The following APOBEC3B variants were observed in gnomAD, a reference collection of about 807,000 sequenced individuals.
The protein encoded by APOBEC3B is DNA dC->dU-editing enzyme APOBEC-3B.
A neutral mutation model predicts 53.4 loss-of-function variants in APOBEC3B; 29 were observed. That is an observed-to-expected ratio of 0.54 (90% CI 0.40 to 0.74). APOBEC3B has a LOEUF of 0.74. Ranked by LOEUF, APOBEC3B falls within the 30% of genes least tolerant of loss-of-function variation. The pLI is 0.00. For missense variants in APOBEC3B, 347 were observed against 496.2 expected, an observed-to-expected ratio of 0.70 and a Z score of 2.86; for synonymous variants, 132 against 184.8, an observed-to-expected ratio of 0.71 and a Z score of 2.32.
At position 38,984,617 on chromosome 22, in the gene APOBEC3B, A is replaced by T. The variant is rs113677372; in HGVS notation, c.174+386A>T. On this transcript the variant is annotated intron_variant, in intron 2 of 7. Coordinates refer to ENST00000333467, the MANE Select transcript of APOBEC3B (RefSeq NM_004900.5). ...CAGTAAAGGAATTTGTCTTTTTTTT[A>T]AAAAATTTTTTTAAAATTTTCTTCA... Among the ~76,000 whole-genome samples, 260 of 148,504 alleles carry T rather than the reference A, an allele frequency of 1.8e-3. 20 individuals are homozygous for T. The highest frequency in any genetic ancestry group is 2.4e-3 in the South Asian group (11 of 4,504).
chr22:38,987,521 G>C (rs560466167), intron 4 of APOBEC3B, among the ~76,000 whole-genome samples: 1 of 148,800 alleles, frequency 6.7e-6, no homozygotes, highest in Admixed American at 6.9e-5. Flanking sequence ...TGGGAGAATT[G>C]AACCAAAGGA....
chr22:38,986,792 C>G (rs1923758625), intron 4 of APOBEC3B, among the ~76,000 whole-genome samples: 2 of 148,844 alleles, frequency 1.3e-5, no homozygotes, highest in Admixed American at 6.9e-5. Context: ...GTGGGGGCAC[C>G]CATGGCATCC....
rs1436945920 is a variant in APOBEC3B at position 38,984,188 on chromosome 22, G to A, written c.131G>A (p.Gly44Asp). The A allele has an allele frequency of 1.9e-6, 3 of 1,592,572 alleles. 1 individual carries two copies. Among genetic ancestry groups the A allele is most frequent in the East Asian group, 5.0e-5 (2 of 40,356 alleles). ...TGCTATGAAGTGAAAATAAAGAGGGGCCGCTCAAATCTCCTTTGGGACACA... is the reference window on the plus strand; with the variant it reads ...TGCTATGAAGTGAAAATAAAGAGGGACCGCTCAAATCTCCTTTGGGACACA... The part of the protein sequence containing the change: ...WLCYEVKIKR[G>D]RSNLLWDTGV... The change falls in exon 2 of 8, where the codon GGC (glycine) becomes GAC (aspartate). Residue 44 changes from glycine (G) to aspartate (D), a missense_variant. Gly to Asp is a moderately conservative substitution (Grantham distance 94, BLOSUM62 -1). This residue lies in a region of APOBEC3B where 73 missense variants were observed against 90.9 expected (regional missense o/e 0.80). Transcript: ENST00000333467.
Position 38,992,702 on chromosome 22 carries a change from T to A in APOBEC3B, c.*257T>A. 2.0e-6 allele frequency: 2 copies of A among 1,023,964 alleles called. No homozygotes were observed. The highest frequency in any genetic ancestry group is 2.8e-6 in the Non-Finnish European group (2 of 715,660). 63.4% of individuals were successfully genotyped at this position (1,023,964 alleles called of 1,614,324 possible). A position where few individuals can be genotyped will look rare whatever the true frequency, so the allele number is the denominator to read the frequency against. On this transcript the variant is annotated 3_prime_UTR_variant, in exon 8 of 8. Transcript: ENST00000333467. Reference sequence around the variant, plus strand: ...ATTCCCAGAATAGTTTTCAATGTATTAATGAAGTGATTAATTGGCTCCATA... The same window carrying A: ...ATTCCCAGAATAGTTTTCAATGTATAAATGAAGTGATTAATTGGCTCCATA...
At position 38,984,475 on chromosome 22, in the gene APOBEC3B, G is replaced by A. The variant is rs9622899; in HGVS notation, c.174+244G>A. Among the ~76,000 whole-genome samples, 38 of 149,010 alleles carry A rather than the reference G, an allele frequency of 2.6e-4. 3 individuals are homozygous for A. Among genetic ancestry groups the A allele is most frequent in the African/African-American group, 9.0e-4 (37 of 41,034 alleles). ...AATCTATAGCATAACAGATGACTTA[G>A]CATAACTTGGGGCCTTCTATAGCTG... On this transcript the variant is annotated intron_variant, in intron 2 of 7. Coordinates refer to ENST00000333467, the MANE Select transcript of APOBEC3B (RefSeq NM_004900.5).
At chr22:38,988,719 T>C (rs35574616) in intron 4 of APOBEC3B, among the ~76,000 whole-genome samples, 24,698 of 113,494 alleles carry the variant, frequency 0.22, 5,102 homozygotes, top group South Asian at 0.28. Context: ...CTTTCTTTCT[T>C]TCTTTCTTTC....
intron 2 of APOBEC3B, among the ~76,000 whole-genome samples, chr22:38,985,239 G>GTTTTT (rs561781619): frequency 6.8e-6 from 1 of 146,000 alleles, no homozygotes; most frequent in African/African-American, 2.5e-5. Context: ...TTTTGTTTTG[G>GTTTTT]TTTTTTTTTA....
At chr22:38,992,002 G>C (rs1325053094) in intron 6 of APOBEC3B, 32 bp from the exon 7 acceptor site, 2 of 1,541,936 alleles carry the variant, frequency 1.3e-6, no homozygotes, top group Non-Finnish European at 1.7e-6. Flanking sequence ...CCCACAACAG[G>C]AGCGTGACTT....
intron 4 of APOBEC3B, among the ~76,000 whole-genome samples, chr22:38,987,458 C>T (rs1456961319): frequency 6.7e-6 from 1 of 148,568 alleles, no homozygotes; most frequent in Non-Finnish European, 1.5e-5. Flanking sequence ...GTGCTCCCTG[C>T]CCTGGGAGGG....
At chr22:38,983,546 C>G in intron 1 of APOBEC3B, among the ~76,000 whole-genome samples, 1 of 148,684 alleles carries the variant, frequency 6.7e-6, no homozygotes, top group Non-Finnish European at 1.5e-5. Context: ...TACCCCGCCT[C>G]TCTGTGCCTC....
chr22:38,984,881 T>C (rs1923671759), intron 2 of APOBEC3B, among the ~76,000 whole-genome samples: 2 of 144,506 alleles, frequency 1.4e-5, no homozygotes, highest in Non-Finnish European at 3.0e-5. Context: ...ACATTTCTTT[T>C]TTCTCTTTTT....
In APOBEC3B at chr22:38,990,433, C is replaced by G. The variant is rs1219999275; in HGVS notation, c.723+823C>G. 2.0e-5 allele frequency among the ~76,000 whole-genome samples: 3 copies of G among 147,764 alleles called. 1 individual carries two copies. Among genetic ancestry groups the G allele is most frequent in the Non-Finnish European group, 4.5e-5 (3 of 67,298 alleles). ...TGATGGAATCCCTCCCTGTCTTTGT[C>G]CCCATCACAATCACAGTCCTTGCTG... On this transcript the variant is annotated intron_variant, in intron 5 of 7. Transcript: ENST00000333467.
Position 38,991,599 on chromosome 22 carries a change from G to A in APOBEC3B, c.991G>A (p.Ala331Thr), listed in dbSNP as rs192825139. The A allele has an allele frequency of 2.9e-5, 43 of 1,482,044 alleles. No individual in the cohort carries two copies. The highest frequency in any genetic ancestry group is 2.3e-4 in the Admixed American group (12 of 51,534). The allele number at this position is 1,482,044 out of a possible 1,614,324, so 91.8% of individuals were successfully genotyped here. Residue 331 changes from alanine to threonine, a missense_variant, in exon 6 of 8, where the codon GCC (alanine) becomes ACC (threonine). Physicochemically the swap from Ala to Thr is moderately conservative, Grantham distance 58 (BLOSUM62 0). Coordinates refer to ENST00000333467, the MANE Select transcript of APOBEC3B (RefSeq NM_004900.5). The stretch of plus-strand genomic sequence containing the variant: ...GCTGCAAATGCTGCGGGATGCTGGG[G>A]CCCAAGTCTCCATCATGACCTACGA... Reference protein sequence around the residue: ...EALQMLRDAGAQVSIMTYDEF... With the variant: ...EALQMLRDAGTQVSIMTYDEF...
In APOBEC3B at chr22:38,986,388, A is replaced by G; in HGVS notation, c.545A>G (p.His182Arg). 2 of 1,593,782 alleles carry G rather than the reference A, an allele frequency of 1.3e-6. No homozygotes were observed. Among genetic ancestry groups the G allele is most frequent in the South Asian group, 1.1e-5 (1 of 88,796 alleles). ...YKFDENYAFL[H>R]RTLKEILRYL... ...TTCGATGAAAATTATGCATTCCTGC[A>G]CCGCACGCTAAAGGAGATTCTCAGG... is the stretch of plus-strand genomic sequence containing the variant. The change falls in exon 4 of 8, where the codon CAC becomes CGC. Residue 182 changes from histidine to arginine, a missense_variant. Around this residue, in one of 5 missense-constraint regions of APOBEC3B, gnomAD observed 156 missense variants for 166.7 expected, o/e 0.94. Coordinates refer to ENST00000333467, the MANE Select transcript of APOBEC3B (RefSeq NM_004900.5).
rs767344337 is a variant in APOBEC3B, at chr22:38,988,683, CTCTT to C, written c.570-713_570-710del. Among the ~76,000 whole-genome samples, 271 of 47,506 alleles carry C rather than the reference CTCTT, an allele frequency of 5.7e-3. 6 individuals carry two copies. Among genetic ancestry groups the C allele is most frequent in the South Asian group, 0.016 (13 of 828 alleles). The allele number at this position is 47,506 out of a possible 152,430, so 31.2% of individuals were successfully genotyped here. A position where few individuals can be genotyped will look rare whatever the true frequency, so the allele number is the denominator to read the frequency against. On this transcript the variant is annotated intron_variant, in intron 4 of 7. Coordinates refer to ENST00000333467, the MANE Select transcript of APOBEC3B (RefSeq NM_004900.5). ...TTGCTTCCTCTCTCTTTCTCTCTTT[CTCTT>C]TCTTTCTTTCTTTCTTTCTTTCTTT... is the stretch of plus-strand genomic sequence containing the variant.
chr22:38,988,467 C>G (rs1923824143), intron 4 of APOBEC3B, among the ~76,000 whole-genome samples: 1 of 148,738 alleles, frequency 6.7e-6, no homozygotes, highest in Non-Finnish European at 1.5e-5. Flanking sequence ...TCAGTGTCAT[C>G]TCGTTCTCCC....
Position 38,986,331 on chromosome 22 carries a change from A to T in APOBEC3B, c.488A>T (p.Asn163Ile), listed in dbSNP as rs758686056. Residue 163 changes from asparagine to isoleucine, a missense_variant, in exon 4 of 8, where the codon AAT becomes ATT. Asn to Ile is a moderately radical substitution (Grantham distance 149). This residue lies in a region of APOBEC3B where 156 missense variants were observed against 166.7 expected (regional missense o/e 0.94). Coordinates refer to ENST00000333467, the MANE Select transcript of APOBEC3B (RefSeq NM_004900.5). ...TACTGCTGGGAAAACTTTGTGTACA[A>T]TGAAGGTCAGCAATTCATGCCTTGG... ...FAYCWENFVY[N>I]EGQQFMPWYK... 1.9e-6 allele frequency: 3 copies of T among 1,593,732 alleles called. No individual in the cohort carries two copies. In the African/African-American group the frequency reaches 4.0e-5, roughly 21 times the overall value.
intron 2 of APOBEC3B, among the ~76,000 whole-genome samples, chr22:38,984,983 C>T (rs1189765514): frequency 6.9e-6 from 1 of 144,398 alleles, no homozygotes; most frequent in Non-Finnish European, 1.5e-5. Context: ...CTCACTACAA[C>T]CTCCACCTCT....
rs540792117 is a variant in APOBEC3B, at chr22:38,991,059, T to A, written c.724-273T>A. Among the ~76,000 whole-genome samples the A allele has an allele frequency of 2.4e-3, 348 of 146,882 alleles. 22 individuals are homozygous for A. Among genetic ancestry groups the A allele is most frequent in the African/African-American group, 8.1e-3 (329 of 40,536 alleles). ...ATTTTAATAAAGCCTGGCAGGAGAG[T>A]GCTGTCCTGTGTATATTGGAGCTGG... On this transcript the variant is annotated intron_variant, in intron 5 of 7. Coordinates refer to ENST00000333467, the MANE Select transcript of APOBEC3B (RefSeq NM_004900.5).
Sources: gnomAD v4.1 joint callset for allele counts (sites outside exome capture counted in the v4.1 genomes callset) on GRCh38, gnomAD v4.1.1 for gene constraint, gnomAD v4.1.1 regional missense constraint, MANE v1.5 for transcripts, NCBI Gene and HGNC (gene_info 2026-07-23, HGNC 2026-07-21) for gene names.